ARRB1: variants seen among roughly 807,000 people sequenced by gnomAD.
ARRB1 encodes the protein arrestin beta 1, also known as beta-arrestin-1.
A neutral mutation model predicts 56.8 loss-of-function variants in ARRB1; 21 were observed. The observed-to-expected ratio is 0.37, with a 90% CI of 0.26 to 0.53. The LOEUF (loss-of-function observed/expected upper bound fraction) is 0.53, where lower values mean the gene tolerates loss of function less well. Ranked by LOEUF, ARRB1 falls within the 20% of genes least tolerant of loss-of-function variation. The pLI is 0.88. For synonymous variants in ARRB1, 210 were observed against 218.6 expected, an observed-to-expected ratio of 0.96 and a Z score of 0.35; for missense variants, 424 against 553.7, an observed-to-expected ratio of 0.77 and a Z score of 2.35.
chr11:75,277,386 C>T lies in ARRB1; in HGVS notation c.681G>A (p.Thr227=), dbSNP rs368095596. The T allele has an allele frequency of 1.1e-5, 18 of 1,614,068 alleles. No individual in the cohort carries two copies. Among genetic ancestry groups the T allele is most frequent in the Middle Eastern group, 1.6e-4 (1 of 6,084 alleles). The change falls in exon 9 of 16, where the codon ACG becomes ACA. Residue 227 remains threonine (T), a synonymous_variant. Coordinates refer to ENST00000420843, the MANE Select transcript of ARRB1 (RefSeq NM_004041.5). ...TACCTGAGATCTTGATCTTCTTCACCGTCTTGTTGGTGTTGTTGGTGACGT... is the reference window on the plus strand; with the variant it reads ...TACCTGAGATCTTGATCTTCTTCACTGTCTTGTTGGTGTTGTTGGTGACGT... The part of the protein sequence containing the change: ...NVHVTNNTNK[T]VKKIKISVRQ...
At chr11:75,277,556 C>T (rs972708286) in intron 8 of ARRB1, 108 bp from the exon 9 acceptor site, 15 of 977,646 alleles carry the variant, frequency 1.5e-5, no homozygotes, top group East Asian at 1.2e-4. Flanking sequence ...CCAGACCTTG[C>T]GCAGACCTTC....
chr11:75,331,219 C>A (rs1190987805), intron 1 of ARRB1, among the ~76,000 whole-genome samples: 1 of 152,178 alleles, frequency 6.6e-6, no homozygotes, highest in East Asian at 1.9e-4. Flanking sequence ...CCATGTTGGC[C>A]AGGCTGGTTT....
intron 1 of ARRB1, among the ~76,000 whole-genome samples, chr11:75,321,030 G>A (rs919810736): frequency 1.3e-5 from 2 of 152,140 alleles, no homozygotes; most frequent in Non-Finnish European, 1.5e-5. Context: ...ACACTCACTA[G>A]TGGGGGCTAA....
At chr11:75,301,217 G>A (rs1276849593) in intron 1 of ARRB1, among the ~76,000 whole-genome samples, 1 of 152,130 alleles carries the variant, frequency 6.6e-6, no homozygotes, top group Non-Finnish European at 1.5e-5. Flanking sequence ...GGTGCAGAAG[G>A]TGACCACACT....
At chr11:75,284,607 T>C (rs546011391) in intron 3 of ARRB1, among the ~76,000 whole-genome samples, 1 of 152,260 alleles carries the variant, frequency 6.6e-6, no homozygotes, top group South Asian at 2.1e-4. Context: ...TTGCGAAGTA[T>C]AGAGAGGCAA....
At chr11:75,272,214 C>A (rs1946088216) in intron 12 of ARRB1, among the ~76,000 whole-genome samples, 1 of 152,232 alleles carries the variant, frequency 6.6e-6, no homozygotes, top group Admixed American at 6.5e-5. Flanking sequence ...GACCCAATGT[C>A]TAATGGGATT....
chr11:75,333,109 C>T (rs1947546424), intron 1 of ARRB1, among the ~76,000 whole-genome samples: 1 of 152,324 alleles, frequency 6.6e-6, no homozygotes, highest in Middle Eastern at 3.4e-3. Context: ...GCCACGGTCA[C>T]TCATATTTGG....
In ARRB1 at chr11:75,351,602, G is replaced by T; in HGVS notation, c.6C>A (p.Gly2=). The change falls in exon 1 of 16, where the codon GGC becomes GGA. Residue 2 remains glycine (G), a synonymous_variant. Transcript: ENST00000420843. ...CCTGCACTCACCGGGTCCCTTTGTC[G>T]CCCATGGTCCGCGACGGTCGCAGGG... is the stretch of plus-strand genomic sequence containing the variant. M[G]DKGTRVFKKA... is the part of the protein sequence containing the mutation. The T allele has an allele frequency of 6.8e-7, 1 of 1,460,304 alleles. No homozygotes were observed. The highest frequency in any genetic ancestry group is 2.4e-5 in the Admixed American group (1 of 41,006). The allele number at this position is 1,460,304 out of a possible 1,614,324, so 90.5% of individuals were successfully genotyped here.
intron 8 of ARRB1, among the ~76,000 whole-genome samples, chr11:75,278,236 C>T (rs964765678): frequency 1.3e-5 from 2 of 152,198 alleles, no homozygotes; most frequent in African/African-American, 4.8e-5. Context: ...CCCTGACGCT[C>T]AGTGTTTGGC....
intron 1 of ARRB1, among the ~76,000 whole-genome samples, chr11:75,334,911 G>A (rs940113360): frequency 6.8e-6 from 1 of 147,354 alleles, no homozygotes. Flanking sequence ...GGCGCCTAAA[G>A]CTTACAGAGC....
chr11:75,313,589 C>T (rs1337712884), intron 1 of ARRB1, among the ~76,000 whole-genome samples: 1 of 152,200 alleles, frequency 6.6e-6, no homozygotes, highest in African/African-American at 2.4e-5. Context: ...CTGCCATGTC[C>T]TGACTGAGAA....
chr11:75,294,686 T>C (rs575756013), intron 1 of ARRB1, among the ~76,000 whole-genome samples: 6 of 152,240 alleles, frequency 3.9e-5, no homozygotes, highest in Admixed American at 3.3e-4. Context: ...CAAGGTATAA[T>C]AGACATTACT....
At chr11:75,289,911 GTGCATTTCAGGGGACA>G in intron 2 of ARRB1, 82 bp downstream of exon 2, 8 of 1,544,996 alleles carry the variant, frequency 5.2e-6, no homozygotes, top group Non-Finnish European at 7.2e-6. Flanking sequence ...CCACAGAGGT[GTGCATTTCAGGGGACA>G]TGCCGTTTCC....
chr11:75,278,812 T>A, intron 7 of ARRB1, 68 bp from the exon 8 acceptor site: 1 of 1,538,172 alleles, frequency 6.5e-7, no homozygotes, highest in Non-Finnish European at 8.8e-7. Flanking sequence ...CTTGCGAGCC[T>A]CACATCATTC....
chr11:75,295,790 T>TAC (rs998117404), intron 1 of ARRB1, among the ~76,000 whole-genome samples: 18 of 152,326 alleles, frequency 1.2e-4, no homozygotes, highest in East Asian at 5.8e-4. Context: ...GCTGTCCCAC[T>TAC]ACATGACAGA....
intron 1 of ARRB1, chr11:75,303,785 T>C: frequency 2.3e-6 from 1 of 436,008 alleles, no homozygotes; most frequent in Non-Finnish European, 4.7e-6. Flanking sequence ...CACATGTGCA[T>C]CTTTCCCTCC....
chr11:75,327,808 C>T (rs780532216), intron 1 of ARRB1, among the ~76,000 whole-genome samples: 11 of 151,966 alleles, frequency 7.2e-5, no homozygotes, highest in Non-Finnish European at 1.3e-4. Context: ...AGGCTGGTCT[C>T]GAACTCCTGA....
chr11:75,327,052 C>G (rs370871406), intron 1 of ARRB1, among the ~76,000 whole-genome samples: 1 of 151,708 alleles, frequency 6.6e-6, no homozygotes, highest in Non-Finnish European at 1.5e-5. Flanking sequence ...TGGTGGCTCA[C>G]GCCTGTAATC....
chr11:75,331,591 AC>A (rs779419832), intron 1 of ARRB1, among the ~76,000 whole-genome samples: 1 of 147,526 alleles, frequency 6.8e-6, no homozygotes, highest in African/African-American at 2.5e-5. Context: ...ACACCTTGTG[AC>A]CCCCACCCCT....
Sources: allele counts gnomAD v4.1 joint callset (sites outside exome capture counted in the v4.1 genomes callset), GRCh38; gene constraint gnomAD v4.1.1; transcripts MANE v1.5; gene names NCBI Gene and HGNC (gene_info 2026-07-23, HGNC 2026-07-21).